The following KCNQ1 variants were observed in gnomAD, a reference collection of about 807,000 sequenced individuals.
The protein encoded by KCNQ1 is potassium voltage-gated channel subfamily KQT member 1.
In KCNQ1, 49 loss-of-function variants were observed where a neutral mutation model predicts 72.4. That is an observed-to-expected ratio of 0.68 (90% CI 0.54 to 0.86). The LOEUF is 0.86. Ranked by LOEUF, KCNQ1 falls within the 40% of genes least tolerant of loss-of-function variation. The pLI is 0.00. For missense variants in KCNQ1, 790 were observed against 945.1 expected, an observed-to-expected ratio of 0.84 and a Z score of 2.15; for synonymous variants, 450 against 412.6, an observed-to-expected ratio of 1.09 and a Z score of -1.10.
In KCNQ1 at chr11:2,715,421, C is replaced by T. The variant is rs184252963; in HGVS notation, c.1514+53340C>T. ...GCAGATTACCCAGACCCTTTGTTGG[C>T]CAGTGTGGGAATGGGGGGAGGCCAG... On this transcript the variant is annotated intron_variant, in intron 11 of 15. Transcript: ENST00000155840. This position sits in a 1 kb window ranked among gnomAD's most constrained non-coding sequence, Gnocchi z 4.9. Among the ~76,000 whole-genome samples, 327 of 152,150 alleles carry T rather than the reference C, an allele frequency of 2.1e-3. No homozygotes were observed. Among genetic ancestry groups the T allele is most frequent in the Non-Finnish European group, 3.7e-3 (254 of 67,968 alleles).
At chr11:2,693,369 G>A in intron 11 of KCNQ1, 1 of 398,760 alleles carries the variant, frequency 2.5e-6, no homozygotes, top group Non-Finnish European at 4.4e-6. Flanking sequence ...GCCGAGTCTG[G>A]CCAAGCAGCA....
rs754394679 is a variant in KCNQ1 at position 2,559,519 on chromosome 11, G to A, written c.478-11109G>A. Among the ~76,000 whole-genome samples, 8 of 152,294 alleles carry A rather than the reference G, an allele frequency of 5.3e-5. No individual in the cohort carries two copies. The highest frequency in any genetic ancestry group is 9.6e-5 in the African/African-American group (4 of 41,572). Reference sequence around the variant, plus strand: ...CATGCCGCCTGTCAGGATGGTGTCCGGGATGTGGGGACCAGACGACAGCTG... The same window carrying A: ...CATGCCGCCTGTCAGGATGGTGTCCAGGATGTGGGGACCAGACGACAGCTG... On this transcript the variant is annotated intron_variant, in intron 2 of 15. Coordinates refer to ENST00000155840, the MANE Select transcript of KCNQ1 (RefSeq NM_000218.3). The surrounding 1 kb of genome is among the most constrained non-coding windows in gnomAD (Gnocchi z 4.9).
intron 1 of KCNQ1, among the ~76,000 whole-genome samples, chr11:2,465,918 G>A (rs944804209): frequency 6.6e-6 from 1 of 152,220 alleles, no homozygotes; most frequent in African/African-American, 2.4e-5. Context: ...GATGTGGTTG[G>A]TTCCTGGCTG....
chr11:2,758,306 T>C lies in KCNQ1; in HGVS notation c.1515-10538T>C, dbSNP rs11828247. 3.2e-3 allele frequency among the ~76,000 whole-genome samples: 488 copies of C among 152,256 alleles called. 3 individuals carry two copies. Among genetic ancestry groups the C allele is most frequent in the African/African-American group, 0.011 (472 of 41,538 alleles). ...AGGGAAGAAGTACACCAAAAGATGA[T>C]CAACTTCGTTAGCAAAGATGGAAAT... On this transcript the variant is annotated intron_variant, in intron 11 of 15. Transcript: ENST00000155840.
chr11:2,546,809 A>ATGTCCTCTT (rs1289019686), intron 2 of KCNQ1, among the ~76,000 whole-genome samples: 3 of 152,184 alleles, frequency 2.0e-5, no homozygotes, highest in Non-Finnish European at 4.4e-5. Context: ...TAGGATTGTT[A>ATGTCCTCTT]TGTCCTCTTG....
In KCNQ1 at chr11:2,787,160, T is replaced by C. The variant is rs1846930670; in HGVS notation, c.1794+9123T>C. Among the ~76,000 whole-genome samples the C allele has an allele frequency of 2.0e-5, 3 of 152,186 alleles. No homozygotes were observed. Among genetic ancestry groups the C allele is most frequent in the Admixed American group, 1.3e-4 (2 of 15,278 alleles). The stretch of plus-strand genomic sequence containing the variant: ...GTAGTATGAATTCAAGCCTCCAAGC[T>C]GAGCATGGACTAACTTGTGAACATG... On this transcript the variant is annotated intron_variant, in intron 15 of 15. Transcript: ENST00000155840. The surrounding 1 kb of genome is among the most constrained non-coding windows in gnomAD (Gnocchi z 6.3).
At chr11:2,594,379 G>A (rs1848708344) in intron 10 of KCNQ1, among the ~76,000 whole-genome samples, 1 of 152,152 alleles carries the variant, frequency 6.6e-6, no homozygotes, top group East Asian at 1.9e-4. Flanking sequence ...AGGTTTCAAT[G>A]TACTGTACCA....
rs1464195107 is a variant in KCNQ1 at position 2,651,172 on chromosome 11, C to A, written c.1394-10789C>A. On this transcript the variant is annotated intron_variant, in intron 10 of 15. Coordinates refer to ENST00000155840, the MANE Select transcript of KCNQ1 (RefSeq NM_000218.3). This position sits in a 1 kb window ranked among gnomAD's most constrained non-coding sequence, Gnocchi z 6.1. The stretch of plus-strand genomic sequence containing the variant: ...AAATGTACAGTGGATCTTGCTGCTT[C>A]CCTACTCAAATGTTCCGACAGCTTC... The A allele has an allele frequency of 2.5e-6, 1 of 398,412 alleles. No individual in the cohort carries two copies. The highest frequency in any genetic ancestry group is 2.1e-5 in the African/African-American group (1 of 48,572). The allele number at this position is 398,412 out of a possible 1,614,324, so 24.7% of individuals were successfully genotyped here.
At position 2,651,879 on chromosome 11, in the gene KCNQ1, G is replaced by A; in HGVS notation, c.1394-10082G>A. The A allele has an allele frequency of 2.5e-6, 1 of 398,754 alleles. No homozygotes were observed. Among genetic ancestry groups the A allele is most frequent in the Admixed American group, 4.4e-5 (1 of 22,738 alleles). The allele number at this position is 398,754 out of a possible 1,614,324, so 24.7% of individuals were successfully genotyped here. ...CTTTTCTTGAAGTAGTGTTCAGGCT[G>A]AGGGGGTCATAGCCGAGGGTCCCTC... On this transcript the variant is annotated intron_variant, in intron 10 of 15. Transcript: ENST00000155840. The surrounding 1 kb of genome is among the most constrained non-coding windows in gnomAD (Gnocchi z 6.1).
At chr11:2,743,528 C>G (rs1590064299) in intron 11 of KCNQ1, among the ~76,000 whole-genome samples, 3 of 152,298 alleles carry the variant, frequency 2.0e-5, no homozygotes, top group Middle Eastern at 3.4e-3. Context: ...CATGCAGCTC[C>G]CAGAGGGAGA....
At position 2,683,190 on chromosome 11, in the gene KCNQ1, T is replaced by A. The variant is rs1215871739; in HGVS notation, c.1514+21109T>A. 2.5e-6 allele frequency: 1 copy of A among 398,520 alleles called. No homozygotes were observed. The highest frequency in any genetic ancestry group is 4.4e-6 in the Non-Finnish European group (1 of 226,094). The allele number at this position is 398,520 out of a possible 1,614,324, so 24.7% of individuals were successfully genotyped here. A position where few individuals can be genotyped will look rare whatever the true frequency, so the allele number is the denominator to read the frequency against. On this transcript the variant is annotated intron_variant, in intron 11 of 15. Coordinates refer to ENST00000155840, the MANE Select transcript of KCNQ1 (RefSeq NM_000218.3). The surrounding 1 kb of genome is among the most constrained non-coding windows in gnomAD (Gnocchi z 4.7). ...AGCATCTGCATTAAAAGGCTCCCAC[T>A]GACAGCTCATGCATTGTGATGGAAC... is the stretch of plus-strand genomic sequence containing the variant.
rs1002225969 is a variant in KCNQ1, at chr11:2,817,246, G to A, written c.1795-30521G>A. Among the ~76,000 whole-genome samples, 4 of 152,306 alleles carry A rather than the reference G, an allele frequency of 2.6e-5. No individual in the cohort carries two copies. The highest frequency in any genetic ancestry group is 4.4e-5 in the Non-Finnish European group (3 of 68,022). On this transcript the variant is annotated intron_variant, in intron 15 of 15. Coordinates refer to ENST00000155840, the MANE Select transcript of KCNQ1 (RefSeq NM_000218.3). This position sits in a 1 kb window ranked among gnomAD's most constrained non-coding sequence, Gnocchi z 6.1. ...ATGAAAATGTTTTTGCAGCAGGCTC[G>A]GATGCCAGCATTTTTGTGGTTGCAG...
At chr11:2,832,760 G>A (rs1847979122) in intron 15 of KCNQ1, among the ~76,000 whole-genome samples, 1 of 152,220 alleles carries the variant, frequency 6.6e-6, no homozygotes, top group Non-Finnish European at 1.5e-5. Flanking sequence ...GCAAGGCTGG[G>A]GCTGATGCTC....
At chr11:2,739,294 T>G (rs544289301) in intron 11 of KCNQ1, among the ~76,000 whole-genome samples, 7 of 152,270 alleles carry the variant, frequency 4.6e-5, no homozygotes, top group East Asian at 3.9e-4. Context: ...ATCACACAGA[T>G]GGACCAACCA....
chr11:2,793,390 C>CA (rs1554923518), intron 15 of KCNQ1, among the ~76,000 whole-genome samples: 2 of 129,778 alleles, frequency 1.5e-5, no homozygotes, highest in Non-Finnish European at 1.7e-5. Flanking sequence ...GAGGCCAAGA[C>CA]GGGGGGATGG....
intron 10 of KCNQ1, chr11:2,632,786 G>T (rs1220936148): frequency 7.5e-6 from 3 of 398,230 alleles, no homozygotes; most frequent in Non-Finnish European, 1.3e-5. Flanking sequence ...ATATTCCATT[G>T]TGTATACATA....
rs541074125 is a variant in KCNQ1, at chr11:2,480,304, C to G, written c.386+34820C>G. Among the ~76,000 whole-genome samples the G allele has an allele frequency of 1.8e-4, 27 of 152,304 alleles. No individual in the cohort carries two copies. In the South Asian group the frequency reaches 5.4e-3, roughly 30 times the overall value. On this transcript the variant is annotated intron_variant, in intron 1 of 15. Coordinates refer to ENST00000155840, the MANE Select transcript of KCNQ1 (RefSeq NM_000218.3). ...TCCATTTTCATGCTGCTGATAAAGACATACCTGAGACTGGGTAATTTATAA... is the reference window on the plus strand; with the variant it reads ...TCCATTTTCATGCTGCTGATAAAGAGATACCTGAGACTGGGTAATTTATAA...
At position 2,515,411 on chromosome 11, in the gene KCNQ1, TGGCCCAGGGGC is replaced by T. The variant is rs1847272037; in HGVS notation, c.387-12514_387-12504del. On this transcript the variant is annotated intron_variant, in intron 1 of 15. Transcript: ENST00000155840. The surrounding 1 kb of genome is among the most constrained non-coding windows in gnomAD (Gnocchi z 4.7). ...CCTGTGTGAGGGAGGGCGGAGCCCC[TGGCCCAGGGGC>T]GGGGAGGCCTGTCCACCCCTCCCAC... 1.5e-4 allele frequency among the ~76,000 whole-genome samples: 8 copies of T among 52,136 alleles called. No individual in the cohort carries two copies. In the South Asian group the frequency reaches 3.5e-3, roughly 23 times the overall value. The allele number at this position is 52,136 out of a possible 152,430, so 34.2% of individuals were successfully genotyped here.
At chr11:2,797,406 C>T (rs1200169334) in intron 15 of KCNQ1, among the ~76,000 whole-genome samples, 1 of 152,232 alleles carries the variant, frequency 6.6e-6, no homozygotes, top group Non-Finnish European at 1.5e-5. Context: ...GACAACCTTT[C>T]CTTGGGCTCT....
Sources: allele counts gnomAD v4.1 joint callset (sites outside exome capture counted in the v4.1 genomes callset), GRCh38; gene constraint gnomAD v4.1.1; non-coding constraint Gnocchi (gnomAD v3.1); transcripts MANE v1.5; gene names NCBI Gene and HGNC (gene_info 2026-07-23, HGNC 2026-07-21).